STPG2: variants seen among roughly 807,000 people sequenced by gnomAD.
STPG2 encodes the protein sperm tail PG-rich repeat containing 2, also known as sperm-tail PG-rich repeat-containing protein 2.
Under a neutral mutation model 54.2 loss-of-function variants are expected in STPG2, and 56 were observed. That is an observed-to-expected ratio of 1.03 (90% CI 0.83 to 1.29). STPG2 has a LOEUF of 1.29. STPG2 is among the 50% of genes most tolerant of loss of function. STPG2 has a pLI of 0.00. For missense variants in STPG2, 596 were observed against 544.9 expected (o/e 1.09, Z -0.93); for synonymous variants, 200 against 181.8 (o/e 1.10, Z -0.81).
chr4:97,677,866 C>A (rs1722897798), intron 10 of STPG2, among the ~76,000 whole-genome samples: 1 of 152,094 alleles, frequency 6.6e-6, no homozygotes, highest in Non-Finnish European at 1.5e-5. Context: ...TTACTTTTAT[C>A]TTGATTTTAT....
chr4:97,925,264 T>A (rs1291631390), intron 8 of STPG2, among the ~76,000 whole-genome samples: 3 of 152,216 alleles, frequency 2.0e-5, no homozygotes, highest in Non-Finnish European at 2.9e-5. Context: ...CAGTGCATCA[T>A]GTTCAGCAGT....
rs116871723 is a variant in STPG2, at chr4:97,756,121, C to A, written c.1205-43307G>T. 4.0e-3 allele frequency among the ~76,000 whole-genome samples: 613 copies of A among 152,134 alleles called. 27 individuals are homozygous for A. The East Asian group carries it at 0.1, about 25-fold the overall frequency. On this transcript the variant is annotated intron_variant, in intron 9 of 10. Coordinates refer to ENST00000295268, the MANE Select transcript of STPG2 (RefSeq NM_174952.3). ...TTCCTCTCTTTCTCTTGTTCCTCCCCCCAACTAGAATTATTCCAAATTTTT... is the reference window on the plus strand; with the variant it reads ...TTCCTCTCTTTCTCTTGTTCCTCCCACCAACTAGAATTATTCCAAATTTTT...
At chr4:97,737,582 G>T (rs1252105821) in intron 9 of STPG2, among the ~76,000 whole-genome samples, 4 of 152,192 alleles carry the variant, frequency 2.6e-5, no homozygotes, top group Non-Finnish European at 5.9e-5. Flanking sequence ...CTCAGGAGCT[G>T]ATGTGATCAA....
intron 10 of STPG2, among the ~76,000 whole-genome samples, chr4:97,618,311 C>A (rs1015987975): frequency 2.0e-5 from 3 of 152,090 alleles, no homozygotes; most frequent in Non-Finnish European, 2.9e-5. Flanking sequence ...TGAAAGTGAT[C>A]CTTCTTGACT....
chr4:97,745,259 A>C lies in STPG2; in HGVS notation c.1205-32445T>G, dbSNP rs1378365462. ...GGCATAAAACTAAAAAAAAAACAAA[A>C]AAACAAAAAAAAAAACAATTGCAGA... On this transcript the variant is annotated intron_variant, in intron 9 of 10. Coordinates refer to ENST00000295268, the MANE Select transcript of STPG2 (RefSeq NM_174952.3). Among the ~76,000 whole-genome samples the C allele has an allele frequency of 6.1e-5, 6 of 98,666 alleles. No homozygotes were observed. In the South Asian group the frequency reaches 1.2e-3, roughly 19 times the overall value. 64.7% of individuals were successfully genotyped at this position (98,666 alleles called of 152,430 possible). A position where few individuals can be genotyped will look rare whatever the true frequency, so the allele number is the denominator to read the frequency against.
At chr4:98,035,963 G>T (rs181369125) in intron 5 of STPG2, among the ~76,000 whole-genome samples, 11 of 152,046 alleles carry the variant, frequency 7.2e-5, no homozygotes. Flanking sequence ...GGGGCTAGGG[G>T]AGGGATAGCA....
intron 10 of STPG2, among the ~76,000 whole-genome samples, chr4:97,660,280 C>T (rs1722341229): frequency 6.6e-6 from 1 of 152,308 alleles, no homozygotes; most frequent in South Asian, 2.1e-4. Flanking sequence ...GGATTACAGG[C>T]GTGAGCCACC....
chr4:97,681,215 T>C lies in STPG2; in HGVS notation c.1320+31484A>G, dbSNP rs541788014. ...GTCTAAGAAAATAATTATTCTTAAATATAAAATACAAATTTTGAATGATAT... is the reference window on the plus strand; with the variant it reads ...GTCTAAGAAAATAATTATTCTTAAACATAAAATACAAATTTTGAATGATAT... On this transcript the variant is annotated intron_variant, in intron 10 of 10. Coordinates refer to ENST00000295268, the MANE Select transcript of STPG2 (RefSeq NM_174952.3). Among the ~76,000 whole-genome samples the C allele has an allele frequency of 4.6e-5, 7 of 152,030 alleles. No individual in the cohort carries two copies. In the South Asian group the frequency reaches 1.0e-3, roughly 23 times the overall value.
intron 4 of STPG2, among the ~76,000 whole-genome samples, chr4:97,473,954 G>A (rs1457722145): frequency 1.3e-5 from 2 of 151,850 alleles, no homozygotes; most frequent in South Asian, 2.1e-4. Context: ...GGAAGGAGGT[G>A]GAGAATAGAG....
chr4:97,727,405 T>C (rs556733873), intron 9 of STPG2, among the ~76,000 whole-genome samples: 1 of 152,030 alleles, frequency 6.6e-6, no homozygotes, highest in East Asian at 1.9e-4. Flanking sequence ...AAAGTTGATA[T>C]GTTTACTATA....
At chr4:97,662,561 G>A (rs538424335) in intron 10 of STPG2, among the ~76,000 whole-genome samples, 13 of 152,046 alleles carry the variant, frequency 8.6e-5, no homozygotes, top group Non-Finnish European at 1.8e-4. Flanking sequence ...ACATGTACCC[G>A]TATGTTCACT....
intron 8 of STPG2, chr4:97,917,148 G>A (rs1731910220): frequency 6.5e-6 from 1 of 152,688 alleles, no homozygotes; most frequent in South Asian, 2.1e-4. Context: ...CTCCATTCCA[G>A]GTATGAAGGG....
intron 5 of STPG2, among the ~76,000 whole-genome samples, chr4:97,982,842 G>A (rs1054427917): frequency 2.0e-5 from 3 of 152,104 alleles, no homozygotes; most frequent in South Asian, 2.1e-4. Flanking sequence ...ATACTACTAG[G>A]TGGGTGATGT....
chr4:97,632,727 A>T (rs548520514), intron 10 of STPG2, among the ~76,000 whole-genome samples: 2 of 152,278 alleles, frequency 1.3e-5, no homozygotes, highest in African/African-American at 4.8e-5. Context: ...TACAGAATGT[A>T]TTTTCAATGT....
At chr4:97,712,638 A>T in intron 10 of STPG2, 61 bp downstream of exon 10, 1 of 1,154,824 alleles carries the variant, frequency 8.7e-7, no homozygotes, top group Non-Finnish European at 1.2e-6. Context: ...ATACATTTGT[A>T]GTACTTTCTG....
chr4:97,943,989 C>T lies in STPG2; in HGVS notation c.952G>A (p.Gly318Ser). 11 of 1,609,156 alleles carry T rather than the reference C, an allele frequency of 6.8e-6. No homozygotes were observed. The highest frequency in any genetic ancestry group is 9.3e-6 in the Non-Finnish European group (11 of 1,177,962). Reference protein sequence around the residue: ...ADYQEFWHSQGVGISDELPNL... With the variant: ...ADYQEFWHSQSVGISDELPNL... ...GGTAATTCATCAGAAATTCCCACAC[C>T]CTGTGAATGCCAAAATTCCTGTTGA... Residue 318 changes from glycine (G) to serine (S), a missense_variant, in exon 8 of 11, where the codon GGT becomes AGT. Coordinates refer to ENST00000295268, the MANE Select transcript of STPG2 (RefSeq NM_174952.3).
chr4:97,599,181 A>G (rs13149481), intron 10 of STPG2, among the ~76,000 whole-genome samples: 73,721 of 152,054 alleles, frequency 0.48, 19,882 homozygotes, highest in South Asian at 0.65. Context: ...CGTTAGAGAA[A>G]TGCAAGTCTA....
At chr4:97,482,620 T>C (rs371653339) in intron 4 of STPG2, among the ~76,000 whole-genome samples, 1 of 151,746 alleles carries the variant, frequency 6.6e-6, no homozygotes, top group African/African-American at 2.4e-5. Flanking sequence ...ATCTAAAAGT[T>C]TGGCAAACAT....
At chr4:97,491,969 G>A (rs777023457) in intron 4 of STPG2, among the ~76,000 whole-genome samples, 6 of 151,290 alleles carry the variant, frequency 4.0e-5, no homozygotes, top group Admixed American at 6.6e-5. Flanking sequence ...TAGGATAAAT[G>A]GGTAAAATTT....
Sources: gnomAD v4.1 joint callset for allele counts (sites outside exome capture counted in the v4.1 genomes callset) on GRCh38, gnomAD v4.1.1 for gene constraint, MANE v1.5 for transcripts, NCBI Gene and HGNC (gene_info 2026-07-23, HGNC 2026-07-21) for gene names.